The following EDIL3 variants were observed in gnomAD, a reference collection of about 807,000 sequenced individuals.
EDIL3 encodes EGF-like repeat and discoidin I-like domain-containing protein 3.
In EDIL3, 37 loss-of-function variants were observed where a neutral mutation model predicts 67.4. That is an observed-to-expected ratio of 0.55 (90% CI 0.42 to 0.72). EDIL3 has a LOEUF of 0.72. Among genes scored for constraint, EDIL3 ranks in the 30% least tolerant of loss-of-function variants. The pLI, the probability that EDIL3 is intolerant of heterozygous loss-of-function variation, is 0.00. For synonymous variants in EDIL3, 195 were observed against 196.3 expected (o/e 0.99, Z 0.05); for missense variants, 527 against 586.3 (o/e 0.90, Z 1.04).
At chr5:84,200,826 G>A (rs539981839) in intron 3 of EDIL3, among the ~76,000 whole-genome samples, 1 of 152,026 alleles carries the variant, frequency 6.6e-6, no homozygotes, top group African/African-American at 2.4e-5. Context: ...GGAAAGAAAC[G>A]GAAAGAAATG....
At chr5:83,985,153 T>C (rs1165817191) in intron 9 of EDIL3, among the ~76,000 whole-genome samples, 1 of 151,968 alleles carries the variant, frequency 6.6e-6, no homozygotes, top group Non-Finnish European at 1.5e-5. Flanking sequence ...TAGATTCTTT[T>C]TCATGCTAAT....
intron 10 of EDIL3, among the ~76,000 whole-genome samples, chr5:83,948,189 A>AT (rs1039540958): frequency 6.6e-6 from 1 of 151,500 alleles, no homozygotes; most frequent in Non-Finnish European, 1.5e-5. Context: ...GGGTTTTCCA[A>AT]TTTTTTTTAC....
intron 1 of EDIL3, among the ~76,000 whole-genome samples, chr5:84,259,785 G>T (rs1334569742): frequency 6.6e-6 from 1 of 152,028 alleles, no homozygotes; most frequent in African/African-American, 2.4e-5. Flanking sequence ...TTACCCATTT[G>T]CAATCCATGA....
chr5:83,986,294 T>G (rs2112154292), intron 9 of EDIL3, among the ~76,000 whole-genome samples: 1 of 152,304 alleles, frequency 6.6e-6, no homozygotes, highest in Non-Finnish European at 1.5e-5. Flanking sequence ...TAGTTTATAT[T>G]ACCAAGTGTC....
chr5:84,300,983 G>C (rs1293521451), intron 1 of EDIL3, among the ~76,000 whole-genome samples: 2 of 151,364 alleles, frequency 1.3e-5, no homozygotes, highest in African/African-American at 4.8e-5. Flanking sequence ...AAATTGTACA[G>C]AATCAGCTGG....
Position 83,950,030 on chromosome 5 carries a change from T to C in EDIL3, c.1294-6462A>G, listed in dbSNP as rs971084891. Among the ~76,000 whole-genome samples the C allele has an allele frequency of 5.3e-5, 8 of 151,888 alleles. No homozygotes were observed. In the East Asian group the frequency reaches 1.6e-3, roughly 30 times the overall value. On this transcript the variant is annotated intron_variant, in intron 10 of 10. Transcript: ENST00000296591. ...TAGGAGCTTCCACAAAAACTCTGAA[T>C]ACCAACGCTAAGGTGAGCTTCCTAG...
intron 9 of EDIL3, among the ~76,000 whole-genome samples, chr5:84,055,577 T>C (rs1444464464): frequency 2.6e-5 from 4 of 151,820 alleles, no homozygotes; most frequent in African/African-American, 9.7e-5. Context: ...AGGGCTAATA[T>C]CCAGAATCTA....
intron 3 of EDIL3, among the ~76,000 whole-genome samples, chr5:84,204,566 G>A (rs1378627433): frequency 6.6e-6 from 1 of 151,634 alleles, no homozygotes; most frequent in Non-Finnish European, 1.5e-5. Flanking sequence ...CCCATTCTTA[G>A]GCACTATCCA....
At chr5:84,340,532 CTCTA>C (rs1240972998) in intron 1 of EDIL3, among the ~76,000 whole-genome samples, 62 of 66,578 alleles carry the variant, frequency 9.3e-4, no homozygotes, top group Middle Eastern at 0.012. Flanking sequence ...CTCTCTCTCT[CTCTA>C]TATATATATA....
intron 9 of EDIL3, among the ~76,000 whole-genome samples, chr5:84,038,564 C>G (rs1746065387): frequency 6.6e-6 from 1 of 152,206 alleles, no homozygotes; most frequent in African/African-American, 2.4e-5. Flanking sequence ...CTTGTTAGAC[C>G]AGGATAGCTC....
At chr5:84,048,086 G>A (rs866250783) in intron 9 of EDIL3, 29 of 266,448 alleles carry the variant, frequency 1.1e-4, no homozygotes, top group Non-Finnish European at 1.7e-4. Flanking sequence ...ATAGAAGAAC[G>A]GAAGCTGTCT....
In EDIL3 at chr5:84,058,392, T is replaced by C. The variant is rs2301091; in HGVS notation, c.1137+1908A>G. Among the ~76,000 whole-genome samples, 22 of 152,108 alleles carry C rather than the reference T, an allele frequency of 1.4e-4. No homozygotes were observed. In the East Asian group the frequency reaches 4.2e-3, roughly 29 times the overall value. On this transcript the variant is annotated intron_variant, in intron 9 of 10. Transcript: ENST00000296591. ...CACACACACACACGAGTTACAACTT[T>C]AGAAATGAATTTTTAAAGAGTAAAA...
intron 6 of EDIL3, among the ~76,000 whole-genome samples, chr5:84,100,686 T>G (rs994887622): frequency 6.6e-6 from 1 of 152,086 alleles, no homozygotes; most frequent in Non-Finnish European, 1.5e-5. Flanking sequence ...TAAACCTGCA[T>G]GTTTTGCACA....
intron 3 of EDIL3, among the ~76,000 whole-genome samples, chr5:84,184,390 A>G (rs963810039): frequency 6.6e-6 from 1 of 152,212 alleles, no homozygotes; most frequent in African/African-American, 2.4e-5. Context: ...ATAGTCTTCA[A>G]GGAGAGACAG....
At position 84,384,350 on chromosome 5, in the gene EDIL3, G is replaced by A. The variant is rs757849312; in HGVS notation, c.25C>T (p.Leu9Phe). MKRSVAVW[L>F]LVGLSLGVPQ... Reference sequence around the variant, plus strand: ...ACACCGAGGCTGAGCCCGACCAAGAGCCAGACGGCTACCGAGCGCTTCATG... The same window carrying A: ...ACACCGAGGCTGAGCCCGACCAAGAACCAGACGGCTACCGAGCGCTTCATG... Residue 9 changes from leucine (L) to phenylalanine (F), a missense_variant, in exon 1 of 11, where the codon CTC (leucine) becomes TTC (phenylalanine). By Grantham distance (22) the Leu-to-Phe change is conservative (BLOSUM62 0). Around this residue, in one of 2 missense-constraint regions of EDIL3, gnomAD observed 494 missense variants for 522.5 expected, o/e 0.95. Transcript: ENST00000296591. 2.5e-6 allele frequency: 4 copies of A among 1,612,500 alleles called. No homozygotes were observed. The highest frequency in any genetic ancestry group is 1.1e-5 in the South Asian group (1 of 90,800).
chr5:83,974,895 A>G (rs935403356), intron 9 of EDIL3, among the ~76,000 whole-genome samples: 2 of 152,108 alleles, frequency 1.3e-5, no homozygotes, highest in African/African-American at 2.4e-5. Flanking sequence ...AATCTCATCA[A>G]TCTTTTCCTT....
intron 6 of EDIL3, among the ~76,000 whole-genome samples, chr5:84,083,690 G>T (rs1485243380): frequency 6.6e-6 from 1 of 151,932 alleles, no homozygotes; most frequent in South Asian, 2.1e-4. Context: ...GAGTCTTAAA[G>T]TTGTCCGTTA....
chr5:83,955,567 T>G (rs1159254757), intron 10 of EDIL3, among the ~76,000 whole-genome samples: 3 of 151,746 alleles, frequency 2.0e-5, no homozygotes, highest in East Asian at 3.9e-4. Flanking sequence ...ATTATCATAT[T>G]ATCCTGACTT....
chr5:83,942,158 T>C lies in EDIL3; in HGVS notation c.*1261A>G, dbSNP rs1213267094. 1 of 152,056 alleles carries C rather than the reference T, an allele frequency of 6.6e-6. No individual in the cohort carries two copies. The highest frequency in any genetic ancestry group is 2.4e-5 in the African/African-American group (1 of 41,460). The allele number at this position is 152,056 out of a possible 1,614,324, so 9.4% of individuals were successfully genotyped here. ...AGTGTGAGCTTTAATTTGAGAGACA[T>C]GTCAATGAAACCTCCAGTATCAATA... On this transcript the variant is annotated 3_prime_UTR_variant, in exon 11 of 11. Coordinates refer to ENST00000296591, the MANE Select transcript of EDIL3 (RefSeq NM_005711.5).
Sources: allele counts gnomAD v4.1 joint callset (sites outside exome capture counted in the v4.1 genomes callset), GRCh38; gene constraint gnomAD v4.1.1; regional missense constraint gnomAD v4.1.1; transcripts MANE v1.5; gene names NCBI Gene and HGNC (gene_info 2026-07-23, HGNC 2026-07-21).